EEIG2: variants seen among roughly 807,000 people sequenced by gnomAD.
EEIG2 encodes the protein EEIG family member 2, also known as family with sequence similarity 102 member B.
At chr1:108,628,605 A>AT in the EEIG2 span, 1 of 1,577,198 alleles carries the variant, frequency 6.3e-7, no homozygotes, top group Non-Finnish European at 8.6e-7. Flanking sequence ...AGTTTAAAGA[A>AT]TAAATTTTAA....
the EEIG2 span, among the ~76,000 whole-genome samples, chr1:108,610,877 T>A: frequency 6.6e-6 from 1 of 151,932 alleles, no homozygotes; most frequent in Non-Finnish European, 1.5e-5. Context: ...GAGCTTGCAG[T>A]GAGCCAGAGC....
chr1:108,615,165 C>T, the EEIG2 span, among the ~76,000 whole-genome samples: 3 of 152,190 alleles, frequency 2.0e-5, no homozygotes, highest in Non-Finnish European at 4.4e-5. Context: ...TTGCTATGTG[C>T]AGCCCTGGGA....
the EEIG2 span, among the ~76,000 whole-genome samples, chr1:108,602,881 AAAAG>A: frequency 5.9e-5 from 9 of 152,182 alleles, no homozygotes; most frequent in South Asian, 2.1e-4. Flanking sequence ...CTCAAAAAAA[AAAAG>A]AAGACCTTAC....
the EEIG2 span, among the ~76,000 whole-genome samples, chr1:108,576,922 G>A: frequency 3.0e-3 from 457 of 151,854 alleles, 2 homozygotes; most frequent in African/African-American, 0.01. Flanking sequence ...AACAGTGTAA[G>A]AGTGTTCCTA....
the EEIG2 span, among the ~76,000 whole-genome samples, chr1:108,568,744 T>A: frequency 6.6e-6 from 1 of 152,206 alleles, no homozygotes; most frequent in African/African-American, 2.4e-5. Context: ...CTTATTGCTC[T>A]CAGGGTATTG....
At chr1:108,571,505 CAG>C in the EEIG2 span, among the ~76,000 whole-genome samples, 1 of 152,076 alleles carries the variant, frequency 6.6e-6, no homozygotes, top group East Asian at 1.9e-4. Flanking sequence ...TGAGGAAAAA[CAG>C]AACAGTAGGA....
chr1:108,622,719 A>C, the EEIG2 span, among the ~76,000 whole-genome samples: 1 of 152,246 alleles, frequency 6.6e-6, no homozygotes, highest in Admixed American at 6.5e-5. Flanking sequence ...GGCTGGAAAT[A>C]GTCAATAAAT....
chr1:108,600,257 C>T, the EEIG2 span, among the ~76,000 whole-genome samples: 4 of 152,284 alleles, frequency 2.6e-5, no homozygotes, highest in African/African-American at 9.6e-5. Flanking sequence ...TAAACATGTA[C>T]CACATGCGCA....
At chr1:108,597,935 C>G in the EEIG2 span, among the ~76,000 whole-genome samples, 1 of 152,148 alleles carries the variant, frequency 6.6e-6, no homozygotes, top group Non-Finnish European at 1.5e-5. Context: ...CCTGAAGGGT[C>G]CAGGACATCA....
At chr1:108,617,159 G>A in the EEIG2 span, among the ~76,000 whole-genome samples, 1 of 152,176 alleles carries the variant, frequency 6.6e-6, no homozygotes, top group African/African-American at 2.4e-5. Context: ...AGAGGCGGGT[G>A]ATAGGAGATG....
chr1:108,634,219 G>C, the EEIG2 span, among the ~76,000 whole-genome samples: 1 of 152,148 alleles, frequency 6.6e-6, no homozygotes, highest in Admixed American at 6.5e-5. Flanking sequence ...TTCAAATTCT[G>C]ATTTTCTGTA....
the EEIG2 span, among the ~76,000 whole-genome samples, chr1:108,575,250 C>G: frequency 1.3e-5 from 2 of 152,172 alleles, no homozygotes; most frequent in South Asian, 4.1e-4. Context: ...GTCTGACATT[C>G]TATCATCCCA....
the EEIG2 span, chr1:108,606,175 A>T: frequency 8.1e-7 from 1 of 1,234,488 alleles, no homozygotes; most frequent in Non-Finnish European, 1.1e-6. Context: ...ATTTAATTTT[A>T]AATCTTTCAT....
the EEIG2 span, chr1:108,628,083 GT>G: frequency 8.5e-7 from 1 of 1,180,046 alleles, no homozygotes; most frequent in Admixed American, 1.8e-5. Flanking sequence ...ACTTGGCAGA[GT>G]TTATAAAGTC....
At chr1:108,596,864 GAGT>G in the EEIG2 span, among the ~76,000 whole-genome samples, 2 of 151,464 alleles carry the variant, frequency 1.3e-5, no homozygotes, top group East Asian at 3.9e-4. Flanking sequence ...TCAACCTTTT[GAGT>G]AGCTGGGACT....
the EEIG2 span, among the ~76,000 whole-genome samples, chr1:108,614,912 C>T: frequency 6.6e-6 from 1 of 152,114 alleles, no homozygotes; most frequent in Non-Finnish European, 1.5e-5. Context: ...CTGAGACATC[C>T]GTGATATTCA....
the EEIG2 span, chr1:108,634,969 G>A: frequency 2.1e-5 from 15 of 706,794 alleles, no homozygotes; most frequent in African/African-American, 1.3e-4. Flanking sequence ...GTTTCTATCC[G>A]TGATGCCTTT....
the EEIG2 span, among the ~76,000 whole-genome samples, chr1:108,560,850 C>CA: frequency 1.3e-5 from 2 of 152,136 alleles, 1 homozygote; most frequent in South Asian, 4.1e-4. Context: ...TCTCTTAAGA[C>CA]ATTTCCATAT....
At chr1:108,612,586 T>A in the EEIG2 span, among the ~76,000 whole-genome samples, 1 of 152,202 alleles carries the variant, frequency 6.6e-6, no homozygotes, top group Non-Finnish European at 1.5e-5. Flanking sequence ...GCATGATGAA[T>A]TAATGAATAC....
Sources: gnomAD v4.1 joint callset for allele counts (sites outside exome capture counted in the v4.1 genomes callset) on GRCh38, gnomAD v4.1.1 for gene constraint, MANE v1.5 for transcripts, NCBI Gene and HGNC (gene_info 2026-07-23, HGNC 2026-07-21) for gene names.